Variants in ANKRD28 observed in about 807,000 individuals in gnomAD.
ANKRD28 encodes the protein serine/threonine-protein phosphatase 6 regulatory ankyrin repeat subunit A.
A neutral mutation model predicts 126.5 loss-of-function variants in ANKRD28; 44 were observed. The ratio of observed to expected loss-of-function variants is 0.35; its 90% CI spans 0.27 to 0.45. The LOEUF (loss-of-function observed/expected upper bound fraction) is 0.45, where lower values mean the gene tolerates loss of function less well. Among genes scored for constraint, ANKRD28 ranks in the 20% least tolerant of loss-of-function variants. The probability of loss-of-function intolerance (pLI) is 1.00; values close to 1 mark genes in which losing one functional copy is unlikely to be tolerated. For missense variants in ANKRD28, 1,110 were observed against 1,316.6 expected, an observed-to-expected ratio of 0.84 and a Z score of 2.43; for synonymous variants, 442 against 468.5, an observed-to-expected ratio of 0.94 and a Z score of 0.73.
At chr3:15,760,910 G>A (rs1016393311) in intron 3 of ANKRD28, among the ~76,000 whole-genome samples, 2 of 152,004 alleles carry the variant, frequency 1.3e-5, no homozygotes, top group African/African-American at 2.4e-5. Flanking sequence ...AAAGGGCCAA[G>A]GCAACACAAA....
At chr3:15,831,348 G>T (rs1385053112) in intron 1 of ANKRD28, among the ~76,000 whole-genome samples, 1 of 152,134 alleles carries the variant, frequency 6.6e-6, no homozygotes, top group Non-Finnish European at 1.5e-5. Flanking sequence ...GATCCAAATT[G>T]CACTGCCAAA....
Position 15,674,949 on chromosome 3 carries a change from G to T in ANKRD28, c.2965+949C>A, listed in dbSNP as rs968645255. The stretch of plus-strand genomic sequence containing the variant: ...TATGTGTAGGGGTGAGGGGGAGAAG[G>T]CCTGACTATACGGAAATTAAGAGAG... On this transcript the variant is annotated intron_variant, in intron 27 of 27. Coordinates refer to ENST00000683139, the MANE Select transcript of ANKRD28 (RefSeq NM_001349278.2). Among the ~76,000 whole-genome samples, 10 of 152,154 alleles carry T rather than the reference G, an allele frequency of 6.6e-5. No individual in the cohort carries two copies. The South Asian group carries it at 2.1e-3, about 32-fold the overall frequency.
intron 1 of ANKRD28, among the ~76,000 whole-genome samples, chr3:15,806,886 A>G (rs993524301): frequency 1.3e-5 from 2 of 152,186 alleles, no homozygotes; most frequent in Non-Finnish European, 2.9e-5. Flanking sequence ...TATTAAACAC[A>G]TTTGTTAATA....
chr3:15,729,141 T>G (rs2470524), intron 6 of ANKRD28, among the ~76,000 whole-genome samples: 1 of 152,122 alleles, frequency 6.6e-6, no homozygotes, highest in African/African-American at 2.4e-5. Context: ...TAGGCCCCAC[T>G]CAACTACATA....
At chr3:15,795,489 G>A (rs1330599459) in intron 1 of ANKRD28, among the ~76,000 whole-genome samples, 183 bp from the exon 2 acceptor site, 1 of 151,498 alleles carries the variant, frequency 6.6e-6, no homozygotes, top group African/African-American at 2.4e-5. Context: ...GAAAAAAAAG[G>A]CCTAATTAAA....
At chr3:15,857,431 C>T (rs761289665) in intron 1 of ANKRD28, among the ~76,000 whole-genome samples, 4 of 152,248 alleles carry the variant, frequency 2.6e-5, no homozygotes, top group East Asian at 1.9e-4. Context: ...ATTACAGGTG[C>T]GTGCCACCAC....
At chr3:15,805,932 C>T (rs1239687632) in intron 1 of ANKRD28, among the ~76,000 whole-genome samples, 2 of 152,016 alleles carry the variant, frequency 1.3e-5, no homozygotes, top group South Asian at 2.1e-4. Context: ...ACATCACTTC[C>T]GTTTCAAAGT....
Position 15,737,083 on chromosome 3 carries a change from G to A in ANKRD28, c.502C>T (p.Arg168Ter), listed in dbSNP as rs1559436859. ...TGATGTAATGCAGTCCTCCCTGCTC[G>A]ATCAGATACGTTTACATTACTCAGA... Reference protein sequence around the residue: ...PLLSNVNVSDRAGRTALHHAA... With the variant: ...PLLSNVNVSD The change falls in exon 5 of 28, where the codon CGA becomes TGA. Residue 168 changes from arginine (R) to a stop codon, truncating the protein, a stop_gained. Coordinates refer to ENST00000683139, the MANE Select transcript of ANKRD28 (RefSeq NM_001349278.2). LOFTEE classifies it high-confidence loss of function. The A allele has an allele frequency of 1.2e-6, 2 of 1,613,908 alleles. No individual in the cohort carries two copies. Among genetic ancestry groups the A allele is most frequent in the Non-Finnish European group, 1.7e-6 (2 of 1,179,882 alleles).
At chr3:15,729,138 C>T (rs888393173) in intron 6 of ANKRD28, among the ~76,000 whole-genome samples, 13 of 152,196 alleles carry the variant, frequency 8.5e-5, no homozygotes, top group Non-Finnish European at 1.0e-4. Context: ...TCCTAGGCCC[C>T]ACTCAACTAC....
intron 1 of ANKRD28, among the ~76,000 whole-genome samples, chr3:15,803,613 T>TA (rs1559557775): frequency 1.7e-4 from 22 of 132,336 alleles, no homozygotes; most frequent in African/African-American, 6.0e-4. Context: ...GAGACTCCAT[T>TA]TAAAAAAAAA....
chr3:15,719,172 T>A (rs1227328732), intron 8 of ANKRD28, among the ~76,000 whole-genome samples: 2 of 152,238 alleles, frequency 1.3e-5, no homozygotes, highest in Non-Finnish European at 2.9e-5. Context: ...GTATACATTT[T>A]GTCCTGTAGT....
intron 2 of ANKRD28, 91 bp downstream of exon 2, chr3:15,795,132 A>G: frequency 1.1e-6 from 1 of 903,686 alleles, no homozygotes; most frequent in Non-Finnish European, 1.8e-6. Context: ...TTACAGAGTT[A>G]TATTATGTCT....
intron 4 of ANKRD28, among the ~76,000 whole-genome samples, chr3:15,740,369 A>C (rs1334148392): frequency 6.6e-6 from 1 of 152,186 alleles, no homozygotes; most frequent in Admixed American, 6.5e-5. Flanking sequence ...TTTAATTGTA[A>C]GTTATATTTC....
intron 2 of ANKRD28, among the ~76,000 whole-genome samples, chr3:15,769,913 T>C (rs1221986266): frequency 1.3e-5 from 2 of 152,002 alleles, no homozygotes; most frequent in African/African-American, 4.8e-5. Context: ...ATTTCTCACA[T>C]CAGCTACAGA....
chr3:15,725,232 G>A (rs146933038), intron 6 of ANKRD28, among the ~76,000 whole-genome samples: 9 of 152,280 alleles, frequency 5.9e-5, no homozygotes, highest in Non-Finnish European at 1.2e-4. Flanking sequence ...CAGGTTATAC[G>A]TACATACTAT....
chr3:15,670,661 A>G, intron 27 of ANKRD28, 105 bp from the exon 28 acceptor site: 1 of 1,145,464 alleles, frequency 8.7e-7, no homozygotes, highest in Non-Finnish European at 1.2e-6. Flanking sequence ...ATTTTACATT[A>G]CTTAGCTTAT....
chr3:15,680,207 A>G (rs1057075252), intron 21 of ANKRD28, among the ~76,000 whole-genome samples: 2 of 148,006 alleles, frequency 1.4e-5, no homozygotes, highest in Admixed American at 1.3e-4. Context: ...TATATGAAAT[A>G]TTATTATTAT....
At chr3:15,851,619 T>C (rs1235071273) in intron 1 of ANKRD28, among the ~76,000 whole-genome samples, 2 of 151,976 alleles carry the variant, frequency 1.3e-5, no homozygotes, top group African/African-American at 4.8e-5. Flanking sequence ...CACACTAGGA[T>C]GGCTATAATT....
At chr3:15,790,537 C>T (rs1231423765) in intron 2 of ANKRD28, among the ~76,000 whole-genome samples, 1 of 151,836 alleles carries the variant, frequency 6.6e-6, no homozygotes. Flanking sequence ...TAAAGAATAA[C>T]CATATGATCA....
Sources: allele counts gnomAD v4.1 joint callset (sites outside exome capture counted in the v4.1 genomes callset), GRCh38; gene constraint gnomAD v4.1.1; transcripts MANE v1.5; gene names NCBI Gene and HGNC (gene_info 2026-07-23, HGNC 2026-07-21).